Variants in NVL observed in about 807,000 individuals in gnomAD.
The protein encoded by NVL is nuclear valosin-containing protein-like.
A neutral mutation model predicts 110.2 loss-of-function variants in NVL; 84 were observed. The observed-to-expected ratio is 0.76, with a 90% CI of 0.64 to 0.91. The LOEUF (loss-of-function observed/expected upper bound fraction) is 0.91. NVL is among the 40% of genes least tolerant of loss of function. The probability of loss-of-function intolerance (pLI) is 0.00; values close to 1 mark genes in which losing one functional copy is unlikely to be tolerated. For missense variants in NVL, 882 were observed against 1,035.9 expected, an observed-to-expected ratio of 0.85 and a Z score of 2.04; for synonymous variants, 354 against 361.1, an observed-to-expected ratio of 0.98 and a Z score of 0.22.
At chr1:224,294,756 T>A (rs1667716203) in intron 11 of NVL, among the ~76,000 whole-genome samples, 1 of 152,132 alleles carries the variant, frequency 6.6e-6, no homozygotes, top group Non-Finnish European at 1.5e-5. Context: ...AAGGGAGGGT[T>A]CATGGAGGTG....
At chr1:224,237,961 C>CAAAAAAAA (rs200152434) in intron 19 of NVL, among the ~76,000 whole-genome samples, 1 of 135,730 alleles carries the variant, frequency 7.4e-6, no homozygotes, top group African/African-American at 3.0e-5. Flanking sequence ...GACTTGGTTT[C>CAAAAAAAA]AAAAAAAAAA....
chr1:224,274,166 C>T (rs1224362563), intron 17 of NVL, among the ~76,000 whole-genome samples: 2 of 152,020 alleles, frequency 1.3e-5, no homozygotes, highest in Non-Finnish European at 2.9e-5. Context: ...TGGCGGGCGC[C>T]TGTAATCCCA....
intron 18 of NVL, among the ~76,000 whole-genome samples, chr1:224,253,316 C>G (rs1209958499): frequency 6.7e-6 from 1 of 150,242 alleles, no homozygotes; most frequent in African/African-American, 2.4e-5. Flanking sequence ...TCCCGAAGTG[C>G]TGGGATTACA....
chr1:224,276,915 CACATAAAACT>C (rs1665817145), intron 16 of NVL, among the ~76,000 whole-genome samples: 1 of 7,614 alleles, frequency 1.3e-4, no homozygotes. Flanking sequence ...TGGACTTTGA[CACATAAAACT>C]AGTTTTATGA....
At chr1:224,289,801 AT>A in intron 12 of NVL, 68 bp from the exon 13 acceptor site, 1 of 1,483,438 alleles carries the variant, frequency 6.7e-7, no homozygotes, top group African/African-American at 1.4e-5. Flanking sequence ...CACCAACTAT[AT>A]TTATTTGAAG....
chr1:224,317,642 GTAA>G (rs1225809561), intron 4 of NVL, 49 bp downstream of exon 4: 9 of 1,080,024 alleles, frequency 8.3e-6, no homozygotes, highest in Non-Finnish European at 1.1e-5. Context: ...AAGCAGGAAT[GTAA>G]CATGATAAAG....
chr1:224,303,252 G>T (rs962466926), intron 9 of NVL, among the ~76,000 whole-genome samples: 1 of 151,950 alleles, frequency 6.6e-6, no homozygotes, highest in African/African-American at 2.4e-5. Context: ...CTGGGCAAGA[G>T]GGTGAAACCC....
intron 19 of NVL, among the ~76,000 whole-genome samples, chr1:224,249,296 TG>T (rs1662202829): frequency 6.6e-6 from 1 of 152,180 alleles, no homozygotes; most frequent in African/African-American, 2.4e-5. Flanking sequence ...AGCTAATTTT[TG>T]TATTTTTTGT....
chr1:224,229,731 A>G (rs1040570024), intron 22 of NVL, among the ~76,000 whole-genome samples: 14 of 152,180 alleles, frequency 9.2e-5, no homozygotes, highest in African/African-American at 3.1e-4. Context: ...TACAGAAGTG[A>G]GCCACCGCGT....
chr1:224,325,523 CAG>C (rs1392560790), intron 2 of NVL, among the ~76,000 whole-genome samples: 2 of 151,784 alleles, frequency 1.3e-5, no homozygotes, highest in Non-Finnish European at 2.9e-5. Context: ...CACCTGAGGT[CAG>C]GAGTTCGAGA....
chr1:224,289,663 T>A lies in NVL; in HGVS notation c.1396A>T (p.Thr466Ser), dbSNP rs761708058. The A allele has an allele frequency of 6.2e-7, 1 of 1,614,186 alleles. No individual in the cohort carries two copies. The highest frequency in any genetic ancestry group is 8.5e-7 in the Non-Finnish European group (1 of 1,180,040). The change falls in exon 13 of 23, where the codon ACT becomes TCT. Residue 466 changes from threonine to serine, a missense_variant. Thr to Ser is a moderately conservative substitution (Grantham distance 58, BLOSUM62 1). This residue lies in a region of NVL where 416 missense variants were observed against 499.3 expected (regional missense o/e 0.83). Transcript: ENST00000281701. ...AGATCAGCACCAACAAAGCCTGGAGTTAGGTGTGCTAAGTGACAGAAATCA... is the reference window on the plus strand; with the variant it reads ...AGATCAGCACCAACAAAGCCTGGAGATAGGTGTGCTAAGTGACAGAAATCA... ...AFDFCHLAHL[T>S]PGFVGADLMA...
At chr1:224,329,085 C>A (rs943294058) in intron 1 of NVL, among the ~76,000 whole-genome samples, 1 of 151,930 alleles carries the variant, frequency 6.6e-6, no homozygotes, top group South Asian at 2.1e-4. Flanking sequence ...GTGGTGCACA[C>A]CTGTAGTCCC....
At chr1:224,322,301 C>G (rs960863169) in intron 2 of NVL, among the ~76,000 whole-genome samples, 1 of 141,380 alleles carries the variant, frequency 7.1e-6, no homozygotes, top group African/African-American at 2.7e-5. Context: ...CCAGTCTGGT[C>G]TCAAACTCCT....
chr1:224,303,021 C>T (rs1046429601), intron 9 of NVL: 1 of 194,138 alleles, frequency 5.2e-6, no homozygotes, highest in South Asian at 5.7e-5. Context: ...TGCACTCCAG[C>T]CTGGGTGACA....
chr1:224,243,456 G>T (rs534847438), intron 19 of NVL, among the ~76,000 whole-genome samples: 312 of 152,010 alleles, frequency 2.1e-3, no homozygotes, highest in African/African-American at 7.2e-3. Context: ...GCAAGACCTT[G>T]TCTCAACAAC....
chr1:224,287,431 A>G (rs1407583897), intron 14 of NVL, among the ~76,000 whole-genome samples: 2 of 152,354 alleles, frequency 1.3e-5, no homozygotes, highest in Admixed American at 1.3e-4. Flanking sequence ...GAAAAAAAGT[A>G]TAATGTTCCC....
At chr1:224,248,212 C>T (rs79726406) in intron 19 of NVL, among the ~76,000 whole-genome samples, 7,511 of 152,252 alleles carry the variant, frequency 0.049, 212 homozygotes, top group East Asian at 0.089. Context: ...CTTTAACTCC[C>T]AACTCTACAG....
At chr1:224,232,338 G>A (rs949460646) in intron 21 of NVL, among the ~76,000 whole-genome samples, 3 of 151,784 alleles carry the variant, frequency 2.0e-5, no homozygotes, top group Admixed American at 6.6e-5. Flanking sequence ...GAGTGAGAGC[G>A]AGACTCTGTC....
chr1:224,286,434 G>A (rs1450680137), intron 14 of NVL, among the ~76,000 whole-genome samples: 1 of 152,066 alleles, frequency 6.6e-6, no homozygotes, highest in Non-Finnish European at 1.5e-5. Flanking sequence ...TTGAACTCCT[G>A]ACCTCAGGTG....
Sources: allele counts gnomAD v4.1 joint callset (sites outside exome capture counted in the v4.1 genomes callset), GRCh38; gene constraint gnomAD v4.1.1; regional missense constraint gnomAD v4.1.1; transcripts MANE v1.5; gene names NCBI Gene and HGNC (gene_info 2026-07-23, HGNC 2026-07-21).